ESRRG: variants seen among roughly 807,000 people sequenced by gnomAD.
ESRRG encodes estrogen-related receptor gamma.
A neutral mutation model predicts 44.0 loss-of-function variants in ESRRG; 13 were observed. The ratio of observed to expected loss-of-function variants is 0.30; its 90% confidence interval spans 0.19 to 0.47. ESRRG has a LOEUF of 0.47. Among genes scored for constraint, ESRRG ranks in the 20% least tolerant of loss-of-function variants. The probability of loss-of-function intolerance (pLI) is 1.00; values close to 1 mark genes in which losing one functional copy is unlikely to be tolerated. For synonymous variants in ESRRG, 215 were observed against 214.6 expected, an observed-to-expected ratio of 1.00 and a Z score of -0.02; for missense variants, 395 against 580.6, an observed-to-expected ratio of 0.68 and a Z score of 3.29.
At chr1:216,714,078 T>C (rs1189849125) in intron 1 of ESRRG, among the ~76,000 whole-genome samples, 1 of 152,196 alleles carries the variant, frequency 6.6e-6, no homozygotes, top group African/African-American at 2.4e-5. Flanking sequence ...CAGTTTACCA[T>C]AGGTTTTTCT....
At chr1:216,981,052 A>G (rs995923954) in intron 1 of ESRRG, among the ~76,000 whole-genome samples, 8 of 152,164 alleles carry the variant, frequency 5.3e-5, no homozygotes, top group African/African-American at 1.9e-4. Context: ...GCAAGATACC[A>G]TGCCAGTCAC....
chr1:216,670,074 T>TA (rs2074851754), intron 2 of ESRRG, among the ~76,000 whole-genome samples: 2 of 152,220 alleles, frequency 1.3e-5, no homozygotes, highest in Admixed American at 6.5e-5. Context: ...AAGCTACCAA[T>TA]TACTATAAAC....
At chr1:216,816,429 A>G (rs1467654053) in intron 2 of ESRRG, among the ~76,000 whole-genome samples, 8 of 152,050 alleles carry the variant, frequency 5.3e-5, no homozygotes, top group African/African-American at 1.9e-4. Context: ...TTGTCAATTT[A>G]AAAAAAAGAG....
At chr1:216,770,476 A>T (rs965855587) in intron 2 of ESRRG, among the ~76,000 whole-genome samples, 2 of 152,114 alleles carry the variant, frequency 1.3e-5, no homozygotes, top group Non-Finnish European at 2.9e-5. Flanking sequence ...TGGGAGATAG[A>T]TCAGATATTT....
At chr1:217,133,639 CTCTCTCTCTTTCTTTCTT>C (rs200036004) in intron 1 of ESRRG, among the ~76,000 whole-genome samples, 28,212 of 90,334 alleles carry the variant, frequency 0.31, 3,030 homozygotes, top group South Asian at 0.44. Context: ...CTTTCTCTCT[CTCTCTCTCTTTCTTTCTT>C]TCTTTCTTTC....
intron 1 of ESRRG, among the ~76,000 whole-genome samples, chr1:216,705,792 G>A (rs951432556): frequency 1.3e-5 from 2 of 152,044 alleles, no homozygotes; most frequent in South Asian, 2.1e-4. Context: ...TTTTCAGCCC[G>A]AATGTTCCTC....
chr1:217,071,439 G>T (rs980573990), intron 1 of ESRRG, among the ~76,000 whole-genome samples: 1 of 152,150 alleles, frequency 6.6e-6, no homozygotes, highest in Non-Finnish European at 1.5e-5. Flanking sequence ...TCATGTATAA[G>T]ATAGGGGTAA....
intron 3 of ESRRG, among the ~76,000 whole-genome samples, chr1:216,572,741 A>G (rs2061034460): frequency 1.3e-5 from 2 of 152,042 alleles, no homozygotes; most frequent in South Asian, 4.1e-4. Context: ...CTTCTTACTA[A>G]AAAGCAAATT....
intron 1 of ESRRG, among the ~76,000 whole-genome samples, chr1:216,986,970 A>C (rs1490411011): frequency 6.6e-6 from 1 of 152,224 alleles, no homozygotes; most frequent in Non-Finnish European, 1.5e-5. Flanking sequence ...GCTAGAGAAA[A>C]GACTAAATTT....
At chr1:217,040,493 T>C (rs916726001) in intron 1 of ESRRG, among the ~76,000 whole-genome samples, 20 of 152,180 alleles carry the variant, frequency 1.3e-4, no homozygotes, top group African/African-American at 4.8e-4. Flanking sequence ...TACTTCAGGA[T>C]ATAGTAAGTA....
chr1:216,915,242 A>G (rs2818747), intron 2 of ESRRG, among the ~76,000 whole-genome samples: 40,399 of 151,994 alleles, frequency 0.27, 6,222 homozygotes, highest in East Asian at 0.47. Flanking sequence ...GGCAACTTGA[A>G]GAAGACAAAG....
At chr1:216,963,250 A>G (rs1467907053) in intron 1 of ESRRG, among the ~76,000 whole-genome samples, 2 of 152,190 alleles carry the variant, frequency 1.3e-5, no homozygotes, top group Non-Finnish European at 2.9e-5. Context: ...TATATCACGC[A>G]GTGGGACAAG....
intron 1 of ESRRG, among the ~76,000 whole-genome samples, chr1:217,034,148 A>G (rs781520028): frequency 2.6e-5 from 4 of 152,190 alleles, no homozygotes; most frequent in Admixed American, 6.5e-5. Flanking sequence ...AGTTATTTAC[A>G]TATAATAGAT....
At chr1:216,705,330 C>A (rs1488566329) in intron 1 of ESRRG, among the ~76,000 whole-genome samples, 1 of 150,272 alleles carries the variant, frequency 6.7e-6, no homozygotes, top group East Asian at 2.0e-4. Context: ...AAATTATTTT[C>A]TATTTTTTTA....
At chr1:216,910,784 T>C (rs1405276248) in intron 2 of ESRRG, among the ~76,000 whole-genome samples, 1 of 152,146 alleles carries the variant, frequency 6.6e-6, no homozygotes, top group Non-Finnish European at 1.5e-5. Context: ...CTTAATAGGA[T>C]TTTTACTATA....
At chr1:217,130,588 A>G (rs2092951566) in intron 1 of ESRRG, among the ~76,000 whole-genome samples, 1 of 152,158 alleles carries the variant, frequency 6.6e-6, no homozygotes, top group African/African-American at 2.4e-5. Context: ...GTTCACTGTC[A>G]ATAGTTTAGC....
At chr1:216,912,279 A>T (rs1452105285) in intron 2 of ESRRG, among the ~76,000 whole-genome samples, 23 of 106,376 alleles carry the variant, frequency 2.2e-4, no homozygotes, top group African/African-American at 7.1e-4. Context: ...AGGGGAGGAG[A>T]GGGGAGGAGA....
At chr1:217,080,301 A>G (rs536293080) in intron 1 of ESRRG, among the ~76,000 whole-genome samples, 1 of 152,276 alleles carries the variant, frequency 6.6e-6, no homozygotes, top group South Asian at 2.1e-4. Context: ...TAAATTGAAA[A>G]AAACTCAAGT....
chr1:216,699,863 T>C (rs1330725180), intron 1 of ESRRG, among the ~76,000 whole-genome samples: 1 of 152,234 alleles, frequency 6.6e-6, no homozygotes, highest in African/African-American at 2.4e-5. Flanking sequence ...AGAGTGATGC[T>C]GTAGAGCTTT....
Sources: gnomAD v4.1 joint callset for allele counts (sites outside exome capture counted in the v4.1 genomes callset) on GRCh38, gnomAD v4.1.1 for gene constraint, MANE v1.5 for transcripts, NCBI Gene and HGNC (gene_info 2026-07-23, HGNC 2026-07-21) for gene names.